Variants in TNFRSF1A observed in about 807,000 individuals in gnomAD.
TNFRSF1A encodes TNF receptor superfamily member 1A.
In TNFRSF1A, 9 loss-of-function variants were observed where a neutral mutation model predicts 41.6. The observed-to-expected ratio is 0.22, with a 90% CI of 0.13 to 0.38. The LOEUF (loss-of-function observed/expected upper bound fraction) is 0.38, where lower values mean the gene tolerates loss of function less well. TNFRSF1A is among the 10% of genes least tolerant of loss of function. The pLI is 1.00. For missense variants in TNFRSF1A, 463 were observed against 591.5 expected (o/e 0.78, Z 2.25); for synonymous variants, 254 against 248.6 (o/e 1.02, Z -0.21).
At chr12:6,331,899 G>C (rs1391135800) in intron 5 of TNFRSF1A, 1 of 181,638 alleles carries the variant, frequency 5.5e-6, no homozygotes, top group Non-Finnish European at 1.2e-5. Context: ...TACTTGGGAG[G>C]CTGAAGCAGG....
chr12:6,335,099 T>C (rs1490242024), intron 1 of TNFRSF1A, among the ~76,000 whole-genome samples: 1 of 152,162 alleles, frequency 6.6e-6, no homozygotes, highest in South Asian at 2.1e-4. Context: ...GATGTTCCCG[T>C]GAGCACCACT....
At position 6,330,255 on chromosome 12, in the gene TNFRSF1A, A is replaced by AT; in HGVS notation, c.768+11dup. On this transcript the variant is annotated intron_variant, in intron 8 of 9. Transcript: ENST00000162749. ...AGGGACATTTGGGAGTAACTCTCTC[A>AT]TTTCATCTCACCTCTTTTTCAGGTG... 6.2e-7 allele frequency: 1 copy of AT among 1,614,112 alleles called. No individual in the cohort carries two copies. Among genetic ancestry groups the AT allele is most frequent in the Non-Finnish European group, 8.5e-7 (1 of 1,179,960 alleles).
chr12:6,330,226 G>T (rs1948028095), intron 8 of TNFRSF1A, 41 bp downstream of exon 8: 9 of 1,610,386 alleles, frequency 5.6e-6, no homozygotes, highest in Non-Finnish European at 7.6e-6. Context: ...TATAAGGAAT[G>T]GTCAGGGACA....
chr12:6,341,683 C>T lies in TNFRSF1A; in HGVS notation c.39+93G>A. The T allele has an allele frequency of 4.8e-6, 7 of 1,469,348 alleles. No homozygotes were observed. Among genetic ancestry groups the T allele is most frequent in the Non-Finnish European group, 4.7e-6 (5 of 1,060,392 alleles). The allele number at this position is 1,469,348 out of a possible 1,614,324, so 91.0% of individuals were successfully genotyped here. On this transcript the variant is annotated intron_variant, in intron 1 of 9. Coordinates refer to ENST00000162749, the MANE Select transcript of TNFRSF1A (RefSeq NM_001065.4). The surrounding 1 kb of genome is among the most constrained non-coding windows in gnomAD (Gnocchi z 4.6). ...GGCTGGCGCCAGGACCAGGCCCGGG[C>T]AGGAGAGGCTCGGCCCCCTCCCGGA...
At position 6,334,259 on chromosome 12, in the gene TNFRSF1A, G is replaced by C. The variant is rs1273293570; in HGVS notation, c.40-15C>G. ...TCCAGGAGCACCTGGGGAAGAATCA[G>C]ATAGAGGAGACACCATCAAGAGAGG... On this transcript the variant is annotated splice_polypyrimidine_tract_variant and intron_variant, in intron 1 of 9. Coordinates refer to ENST00000162749, the MANE Select transcript of TNFRSF1A (RefSeq NM_001065.4). This position sits in a 1 kb window ranked among gnomAD's most constrained non-coding sequence, Gnocchi z 5.1. 6.2e-7 allele frequency: 1 copy of C among 1,610,320 alleles called. No homozygotes were observed. Among genetic ancestry groups the C allele is most frequent in the Middle Eastern group, 1.8e-4 (1 of 5,558 alleles).
At chr12:6,340,311 G>A (rs1330637779) in intron 1 of TNFRSF1A, among the ~76,000 whole-genome samples, 1 of 152,202 alleles carries the variant, frequency 6.6e-6, no homozygotes, top group African/African-American at 2.4e-5. Flanking sequence ...ATGAGGTCAA[G>A]ACTGTGACAC....
chr12:6,341,351 C>T lies in TNFRSF1A; in HGVS notation c.39+425G>A, dbSNP rs1475361443. 6.6e-6 allele frequency among the ~76,000 whole-genome samples: 1 copy of T among 152,228 alleles called. No homozygotes were observed. The highest frequency in any genetic ancestry group is 1.5e-5 in the Non-Finnish European group (1 of 68,046). ...AGCCTCGCCTCCCCACGGCCCAACACCCTCCAGGCCAGCCAGCTGACCGGA... is the reference window on the plus strand; with the variant it reads ...AGCCTCGCCTCCCCACGGCCCAACATCCTCCAGGCCAGCCAGCTGACCGGA... On this transcript the variant is annotated intron_variant, in intron 1 of 9. Transcript: ENST00000162749. The surrounding 1 kb of genome is among the most constrained non-coding windows in gnomAD (Gnocchi z 4.6).
chr12:6,328,923 C>T lies in TNFRSF1A; in HGVS notation c.*389G>A. Reference sequence around the variant, plus strand: ...GAGTGCCAAGTTTCTATTAGTGTAACATGATTGATTTAAAAACAAAACAAA... The same window carrying T: ...GAGTGCCAAGTTTCTATTAGTGTAATATGATTGATTTAAAAACAAAACAAA... On this transcript the variant is annotated 3_prime_UTR_variant, in exon 10 of 10. Coordinates refer to ENST00000162749, the MANE Select transcript of TNFRSF1A (RefSeq NM_001065.4). 4.7e-6 allele frequency: 1 copy of T among 212,558 alleles called. No homozygotes were observed. Among genetic ancestry groups the T allele is most frequent in the Non-Finnish European group, 9.3e-6 (1 of 108,054 alleles). 13.2% of individuals were successfully genotyped at this position (212,558 alleles called of 1,614,324 possible).
At chr12:6,330,406 G>T (rs1450141242) in intron 7 of TNFRSF1A, 111 bp from the exon 8 acceptor site, 1 of 1,175,804 alleles carries the variant, frequency 8.5e-7, no homozygotes, top group Non-Finnish European at 1.3e-6. Flanking sequence ...GGCCTATGTG[G>T]CCCCAGGGAC....
chr12:6,332,384 C>T (rs1030788096), intron 5 of TNFRSF1A, among the ~76,000 whole-genome samples: 4 of 145,006 alleles, frequency 2.8e-5, no homozygotes, highest in Admixed American at 1.4e-4. Flanking sequence ...GGCTGAGCCA[C>T]GGTTGCACCA....
intron 5 of TNFRSF1A, chr12:6,331,411 CT>C (rs1948048487): frequency 4.3e-6 from 1 of 231,946 alleles, no homozygotes; most frequent in African/African-American, 2.3e-5. Context: ...AGGGCTTTTT[CT>C]TAAATGACAC....
intron 1 of TNFRSF1A, among the ~76,000 whole-genome samples, chr12:6,339,036 C>A (rs778228738): frequency 1.3e-5 from 2 of 152,152 alleles, no homozygotes; most frequent in African/African-American, 4.8e-5. Flanking sequence ...GAACCATATT[C>A]AACACTCTTC....
intron 1 of TNFRSF1A, among the ~76,000 whole-genome samples, chr12:6,336,449 C>A (rs1347713086): frequency 2.0e-5 from 3 of 152,150 alleles, no homozygotes; most frequent in Non-Finnish European, 2.9e-5. Context: ...AAGGCACCAG[C>A]CTGCATGCAA....
rs1216477020 is a variant in TNFRSF1A at position 6,338,118 on chromosome 12, AAGTTGC to A, written c.39+3652_39+3657del. Among the ~76,000 whole-genome samples, 3 of 152,112 alleles carry A rather than the reference AAGTTGC, an allele frequency of 2.0e-5. No homozygotes were observed. In the South Asian group the frequency reaches 6.2e-4, roughly 32 times the overall value. On this transcript the variant is annotated intron_variant, in intron 1 of 9. Coordinates refer to ENST00000162749, the MANE Select transcript of TNFRSF1A (RefSeq NM_001065.4). Reference sequence around the variant, plus strand: ...GTCTGAATGATACAAAGGCAGAAAGAAGTTGCAGCACCTCTCCTCCAGCTTGGTAGG... The same window carrying A: ...GTCTGAATGATACAAAGGCAGAAAGAAGCACCTCTCCTCCAGCTTGGTAGG...
chr12:6,334,058 C>G lies in TNFRSF1A; in HGVS notation c.193+33G>C. The stretch of plus-strand genomic sequence containing the variant: ...CAGAGAAAGAAGCAGCACCCCAGAC[C>G]TGAGGGCATTCACCGTTTCCACTTG... On this transcript the variant is annotated intron_variant, in intron 2 of 9. Coordinates refer to ENST00000162749, the MANE Select transcript of TNFRSF1A (RefSeq NM_001065.4). The surrounding 1 kb of genome is among the most constrained non-coding windows in gnomAD (Gnocchi z 5.1). 6.2e-7 allele frequency: 1 copy of G among 1,614,110 alleles called. No individual in the cohort carries two copies. The highest frequency in any genetic ancestry group is 8.5e-7 in the Non-Finnish European group (1 of 1,179,956).
intron 1 of TNFRSF1A, among the ~76,000 whole-genome samples, chr12:6,340,507 G>T (rs980459010): frequency 2.6e-5 from 4 of 152,162 alleles, no homozygotes; most frequent in Non-Finnish European, 4.4e-5. Context: ...AAGAGCGGGT[G>T]GGACTAAGGA....
chr12:6,338,251 C>T (rs1040667939), intron 1 of TNFRSF1A, among the ~76,000 whole-genome samples: 9 of 152,084 alleles, frequency 5.9e-5, no homozygotes, highest in East Asian at 1.9e-4. Context: ...ACTTCCCGGA[C>T]GAATGCTGAG....
At chr12:6,332,888 A>C (rs1948069051) in intron 5 of TNFRSF1A, among the ~76,000 whole-genome samples, 181 bp downstream of exon 5, 1 of 152,152 alleles carries the variant, frequency 6.6e-6, no homozygotes, top group Non-Finnish European at 1.5e-5. Context: ...AGACTTCTTC[A>C]GATTTGAAGA....
Position 6,333,612 on chromosome 12 carries a change from A to G in TNFRSF1A, c.323-96T>C. Reference sequence around the variant, plus strand: ...CTAAGTGTGTGTCTCTGTAATACACACTCACATCCATGCAGTGTCCCACCA... The same window carrying G: ...CTAAGTGTGTGTCTCTGTAATACACGCTCACATCCATGCAGTGTCCCACCA... On this transcript the variant is annotated intron_variant, in intron 3 of 9. Coordinates refer to ENST00000162749, the MANE Select transcript of TNFRSF1A (RefSeq NM_001065.4). The surrounding 1 kb of genome is among the most constrained non-coding windows in gnomAD (Gnocchi z 6.3). 1 of 1,591,728 alleles carries G rather than the reference A, an allele frequency of 6.3e-7. No homozygotes were observed. The highest frequency in any genetic ancestry group is 8.6e-7 in the Non-Finnish European group (1 of 1,167,724).
Sources: allele counts gnomAD v4.1 joint callset (sites outside exome capture counted in the v4.1 genomes callset), GRCh38; gene constraint gnomAD v4.1.1; non-coding constraint Gnocchi (gnomAD v3.1); transcripts MANE v1.5; gene names NCBI Gene and HGNC (gene_info 2026-07-23, HGNC 2026-07-21).